The following POLR2F variants were observed in gnomAD, a reference collection of about 807,000 sequenced individuals.
POLR2F encodes the protein DNA-directed RNA polymerases I, II, and III subunit RPABC2.
POLR2F carries 12 observed loss-of-function variants against 22.7 expected under a neutral mutation model. That is an observed-to-expected ratio of 0.53 (90% confidence interval 0.34 to 0.86). POLR2F has a LOEUF of 0.86. POLR2F is among the 40% of genes least tolerant of loss of function. POLR2F has a pLI of 0.02. For synonymous variants in POLR2F, 57 were observed against 66.0 expected, an observed-to-expected ratio of 0.86 and a Z score of 0.66; for missense variants, 126 against 171.5, an observed-to-expected ratio of 0.73 and a Z score of 1.48.
intron 1 of POLR2F, among the ~76,000 whole-genome samples, chr22:37,989,616 C>T (rs1456475674): frequency 6.6e-6 from 1 of 152,234 alleles, no homozygotes; most frequent in African/African-American, 2.4e-5. Context: ...GGACTTCATC[C>T]TCCCAACAAC....
rs1264953308 is a variant in POLR2F at position 37,978,213 on chromosome 22, T to C, written c.293+11043T>C. On this transcript the variant is annotated intron_variant, in intron 4 of 4. Transcript: ENST00000405557. This position sits in a 1 kb window ranked among gnomAD's most constrained non-coding sequence, Gnocchi z 5.0. ...AGAGCACTCCAGGTTGGCCTCCCTC[T>C]GAGTGTCCATCTTGGAAGATGTGAG... 3.6e-6 allele frequency: 5 copies of C among 1,405,050 alleles called. No homozygotes were observed. Among genetic ancestry groups the C allele is most frequent in the African/African-American group, 2.9e-5 (2 of 69,402 alleles). The allele number at this position is 1,405,050 out of a possible 1,614,324, so 87.0% of individuals were successfully genotyped here. A position where few individuals can be genotyped will look rare whatever the true frequency, so the allele number is the denominator to read the frequency against.
downstream of POLR2F, chr22:37,973,931 C>CT: frequency 6.2e-7 from 1 of 1,610,468 alleles, no homozygotes; most frequent in Non-Finnish European, 8.5e-7. Flanking sequence ...GGCCAGGGCA[C>CT]TGCCCAGCCC....
intron 2 of POLR2F, among the ~76,000 whole-genome samples, chr22:37,957,937 T>G (rs986037025): frequency 2.0e-5 from 3 of 152,192 alleles, no homozygotes; most frequent in Non-Finnish European, 4.4e-5. Flanking sequence ...CTGCAGAATA[T>G]TCGCAACAGA....
Position 37,995,370 on chromosome 22 carries a change from G to A in POLR2F, c.120+9058G>A, listed in dbSNP as rs2084703507. On this transcript the variant is annotated intron_variant, in intron 1 of 2. Transcript: ENST00000333418. ...CTCCTGGGTCTGTCATTCCCTTAGCGCTGCATGGAGAGTCCCCTCACATCC... is the reference window on the plus strand; with the variant it reads ...CTCCTGGGTCTGTCATTCCCTTAGCACTGCATGGAGAGTCCCCTCACATCC... Among the ~76,000 whole-genome samples, 4 of 152,114 alleles carry A rather than the reference G, an allele frequency of 2.6e-5. No homozygotes were observed. The South Asian group carries it at 6.2e-4, about 24-fold the overall frequency.
downstream of POLR2F, chr22:37,973,408 C>T (rs943287191): frequency 1.1e-6 from 1 of 897,316 alleles, no homozygotes; most frequent in Non-Finnish European, 1.7e-6. Flanking sequence ...TCCTCCACTG[C>T]CACCACCAGG....
chr22:37,981,144 CTG>C (rs1400491909), intron 4 of POLR2F, among the ~76,000 whole-genome samples: 3 of 152,346 alleles, frequency 2.0e-5, no homozygotes, highest in Admixed American at 1.3e-4. Context: ...TCCACACAGT[CTG>C]TGTGTATCTT....
chr22:37,960,854 T>TC (rs1931609213), intron 3 of POLR2F, among the ~76,000 whole-genome samples: 2 of 147,696 alleles, frequency 1.4e-5, no homozygotes, highest in South Asian at 2.2e-4. Context: ...CTTTTTTCTT[T>TC]TTTTTTTTTT....
intron 5 of POLR2F, among the ~76,000 whole-genome samples, chr22:38,035,244 C>T (rs2085103983): frequency 2.0e-5 from 3 of 152,196 alleles, no homozygotes; most frequent in Non-Finnish European, 4.4e-5. Flanking sequence ...ACATCTGGAG[C>T]CCATTAACTG....
intron 2 of POLR2F, among the ~76,000 whole-genome samples, chr22:37,957,513 A>G (rs923150234): frequency 6.6e-6 from 1 of 152,096 alleles, no homozygotes; most frequent in African/African-American, 2.4e-5. Context: ...CTCAAGAGGA[A>G]AGTAGGGCTT....
At chr22:38,003,691 C>T (rs767440154) in intron 1 of POLR2F, among the ~76,000 whole-genome samples, 2 of 151,998 alleles carry the variant, frequency 1.3e-5, no homozygotes, top group South Asian at 4.1e-4. Context: ...ATTCTCACAC[C>T]TCAGCCTCCC....
chr22:38,025,621 C>A (rs747640251), intron 1 of POLR2F: 6 of 1,558,274 alleles, frequency 3.9e-6, no homozygotes, highest in Middle Eastern at 1.7e-4. Context: ...GACCCTCCTA[C>A]GCACTGGCCC....
upstream of POLR2F, chr22:37,983,811 C>T (rs528558121): frequency 2.5e-4 from 349 of 1,407,026 alleles, 1 homozygote; most frequent in African/African-American, 5.0e-3. This position sits in a 1 kb window ranked among gnomAD's most constrained non-coding sequence, Gnocchi z 9.5. Context: ...GCCGCCGCCG[C>T]CTCGGCCGCC....
chr22:38,029,219 A>G (rs115472553), downstream of POLR2F, among the ~76,000 whole-genome samples: 617 of 152,332 alleles, frequency 4.1e-3, 6 homozygotes, highest in African/African-American at 0.014. Context: ...ACAGAATCCC[A>G]GAATAGGAGA....
At chr22:38,029,289 A>G (rs978489188), downstream of POLR2F, among the ~76,000 whole-genome samples, 9 of 152,220 alleles carry the variant, frequency 5.9e-5, no homozygotes, top group African/African-American at 1.9e-4. Context: ...GGGAAAACTG[A>G]GGCCCAAGGA....
intron 1 of POLR2F, among the ~76,000 whole-genome samples, chr22:38,002,748 C>T (rs929368735): frequency 2.0e-5 from 3 of 151,208 alleles, no homozygotes; most frequent in Admixed American, 6.6e-5. Flanking sequence ...TTTTTTGAGA[C>T]GGAGTCTTGC....
At chr22:37,960,151 T>C (rs1931572637) in intron 3 of POLR2F, among the ~76,000 whole-genome samples, 1 of 152,076 alleles carries the variant, frequency 6.6e-6, no homozygotes, top group South Asian at 2.1e-4. Flanking sequence ...TCTCAATCTG[T>C]TGCCCATGCT....
downstream of POLR2F, among the ~76,000 whole-genome samples, chr22:38,027,766 C>T (rs956136149): frequency 2.6e-5 from 4 of 152,304 alleles, no homozygotes; most frequent in South Asian, 4.1e-4. Flanking sequence ...ATGAACTCCT[C>T]GGTGTCTTCC....
At chr22:38,022,871 G>A (rs1427641777) in intron 1 of POLR2F, among the ~76,000 whole-genome samples, 3 of 151,788 alleles carry the variant, frequency 2.0e-5, no homozygotes, top group African/African-American at 4.8e-5. Flanking sequence ...GAAATTAGCC[G>A]GGCATGGTGG....
At chr22:38,021,517 C>T (rs563108629) in intron 1 of POLR2F, among the ~76,000 whole-genome samples, 2 of 152,294 alleles carry the variant, frequency 1.3e-5, no homozygotes, top group South Asian at 2.1e-4. Context: ...AGTACAGTGA[C>T]GCGATCATGG....
Sources: allele counts gnomAD v4.1 joint callset (sites outside exome capture counted in the v4.1 genomes callset), GRCh38; gene constraint gnomAD v4.1.1; non-coding constraint Gnocchi (gnomAD v3.1); transcripts MANE v1.5; gene names NCBI Gene and HGNC (gene_info 2026-07-23, HGNC 2026-07-21).